The following JUP variants were observed in gnomAD, a reference collection of about 807,000 sequenced individuals.
JUP encodes catenin (cadherin-associated protein), gamma 80kDa.
A neutral mutation model predicts 71.1 loss-of-function variants in JUP; 28 were observed. The ratio of observed to expected loss-of-function variants is 0.39; its 90% confidence interval spans 0.29 to 0.54. JUP has a LOEUF of 0.54. JUP is among the 20% of genes least tolerant of loss of function. The pLI is 0.62. For synonymous variants in JUP, 401 were observed against 438.9 expected, an observed-to-expected ratio of 0.91 and a Z score of 1.08; for missense variants, 869 against 1,030.1, an observed-to-expected ratio of 0.84 and a Z score of 2.14.
chr17:41,763,413 G>T, intron 7 of JUP, 92 bp from the exon 8 acceptor site: 2 of 909,100 alleles, frequency 2.2e-6, no homozygotes, highest in Non-Finnish European at 3.5e-6. Context: ...ATGACCTAAA[G>T]GGGTCAGCCC....
chr17:41,759,271 C>T (rs917821258), intron 8 of JUP, among the ~76,000 whole-genome samples: 1 of 152,066 alleles, frequency 6.6e-6, no homozygotes, highest in Non-Finnish European at 1.5e-5. Context: ...GACGGGGTTT[C>T]GCCATGTTGG....
intron 13 of JUP, 72 bp from the exon 14 acceptor site, chr17:41,755,967 C>T (rs761413148): frequency 1.3e-6 from 2 of 1,547,318 alleles, no homozygotes; most frequent in South Asian, 1.2e-5. Flanking sequence ...GCACAGCCTT[C>T]AGCTGCCTCC....
rs1555599665 is a variant in JUP at position 41,758,702 on chromosome 17, C to T, written c.1653+13G>A. 1.3e-6 allele frequency: 2 copies of T among 1,598,626 alleles called. No homozygotes were observed. The highest frequency in any genetic ancestry group is 1.7e-6 in the Non-Finnish European group (2 of 1,173,064). On this transcript the variant is annotated intron_variant, in intron 9 of 13. Coordinates refer to ENST00000393931, the MANE Select transcript of JUP (RefSeq NM_002230.4). ...CCCAGGAAGGCTGTCAGAGGCACCA[C>T]CAGCTCACATACCGTGTAGGGCTGC...
Position 41,757,696 on chromosome 17 carries a change from A to G in JUP, c.1862T>C (p.Ile621Thr), listed in dbSNP as rs752594411. 6.4e-5 allele frequency: 104 copies of G among 1,613,348 alleles called. No individual in the cohort carries two copies. Among genetic ancestry groups the G allele is most frequent in the East Asian group, 6.2e-4 (28 of 44,852 alleles). ...LAQDKEAADAIDAEGASAPLM... is the reference protein window; with the variant it reads ...LAQDKEAADATDAEGASAPLM... ...TGGGGCCGAGGCCCCCTCTGCATCA[A>G]TGGCGTCGGCCGCCTCCTTGTCCTG... Residue 621 changes from isoleucine to threonine, a missense_variant, in exon 11 of 14, where the codon ATT becomes ACT. Ile to Thr is a moderately conservative substitution (Grantham distance 89). Coordinates refer to ENST00000393931, the MANE Select transcript of JUP (RefSeq NM_002230.4).
intron 1 of JUP, among the ~76,000 whole-genome samples, chr17:41,781,184 CAAAAAAAAAA>C (rs781830763): frequency 0.066 from 4,098 of 61,644 alleles, 84 homozygotes; most frequent in African/African-American, 0.11. Context: ...GACTCCGTCT[CAAAAAAAAAA>C]AAAAAAAAAA....
In JUP at chr17:41,778,272, CTG is replaced by C. The variant is rs553157219; in HGVS notation, c.-8-6412_-8-6411del. Among the ~76,000 whole-genome samples, 16 of 152,282 alleles carry C rather than the reference CTG, an allele frequency of 1.1e-4. No homozygotes were observed. The South Asian group carries it at 3.3e-3, about 32-fold the overall frequency. On this transcript the variant is annotated intron_variant, in intron 1 of 13. Transcript: ENST00000393931. ...ATTGGAATAAAGTTTTGGCTAAAAT[CTG>C]TTACTGTAGGCAGGGTGCAGTGGCT...
chr17:41,760,510 G>A (rs1192921595), intron 8 of JUP, among the ~76,000 whole-genome samples: 2 of 151,368 alleles, frequency 1.3e-5, no homozygotes, highest in East Asian at 2.0e-4. Flanking sequence ...CACACGCCTC[G>A]GCCTCCCAAA....
intron 7 of JUP, 50 bp from the exon 8 acceptor site, chr17:41,763,371 G>T: frequency 7.2e-7 from 1 of 1,390,328 alleles, no homozygotes; most frequent in Non-Finnish European, 1.0e-6. Flanking sequence ...CAACTCCAGG[G>T]AGCCTTCTCG....
At chr17:41,762,165 GAGAGAGAGAGAGTGTGT>G in intron 8 of JUP, among the ~76,000 whole-genome samples, 1 of 74,176 alleles carries the variant, frequency 1.3e-5, no homozygotes, top group Admixed American at 1.3e-4. Flanking sequence ...GAGAGAGAGA[GAGAGAGAGAGAGTGTGT>G]GTGTGTGTGT....
At chr17:41,766,566 A>T (rs919629988) in intron 5 of JUP, among the ~76,000 whole-genome samples, 3 of 151,946 alleles carry the variant, frequency 2.0e-5, no homozygotes, top group Non-Finnish European at 2.9e-5. Flanking sequence ...ATAAAAAATT[A>T]GTTGGGGGTG....
At position 41,769,155 on chromosome 17, in the gene JUP, G is replaced by A. The variant is rs146786437; in HGVS notation, c.521C>T (p.Ala174Val). The A allele has an allele frequency of 2.0e-5, 32 of 1,606,120 alleles. No homozygotes were observed. The highest frequency in any genetic ancestry group is 1.2e-4 in the Admixed American group (7 of 60,008). Residue 174 changes from alanine (A) to valine (V), a missense_variant, in exon 4 of 14, where the codon GCG becomes GTG. Transcript: ENST00000393931. ...MIVNQLSKKE[A>V]SRRALMGSPQ... ...CGAGCCCATCAGGGCCCGCCGCGACGCCTCCTTCTTCGACAGCTGGTTCAC... is the reference window on the plus strand; with the variant it reads ...CGAGCCCATCAGGGCCCGCCGCGACACCTCCTTCTTCGACAGCTGGTTCAC...
In JUP at chr17:41,757,497, T is replaced by A. The variant is rs1555598677; in HGVS notation, c.1964A>T (p.Asp655Val). Reference sequence around the variant, plus strand: ...GCGCTTCCGGTAGTCTGGGTTCTTGTCCTCGGAGATGCGGAACAGGACGGC... The same window carrying A: ...GCGCTTCCGGTAGTCTGGGTTCTTGACCTCGGAGATGCGGAACAGGACGGC... ...AAAVLFRISE[D>V]KNPDYRKRVS... The change falls in exon 12 of 14, where the codon GAC (aspartate) becomes GTC (valine). Residue 655 changes from aspartate to valine, a missense_variant. Coordinates refer to ENST00000393931, the MANE Select transcript of JUP (RefSeq NM_002230.4). 1 of 1,614,162 alleles carries A rather than the reference T, an allele frequency of 6.2e-7. No individual in the cohort carries two copies. Among genetic ancestry groups the A allele is most frequent in the South Asian group, 1.1e-5 (1 of 91,082 alleles).
chr17:41,758,559 G>A (rs190433054), intron 9 of JUP, 41 bp from the exon 10 acceptor site: 1 of 1,596,878 alleles, frequency 6.3e-7, no homozygotes, highest in African/African-American at 1.3e-5. Flanking sequence ...AGGTGCCTTG[G>A]ACATGGCCAC....
chr17:41,781,174 G>A (rs2047141698), intron 1 of JUP, among the ~76,000 whole-genome samples: 1 of 143,920 alleles, frequency 6.9e-6, no homozygotes. Context: ...GAGTGAGTGA[G>A]ACTCCGTCTC....
At chr17:41,771,909 C>T in intron 1 of JUP, 47 bp from the exon 2 acceptor site, 1 of 1,490,318 alleles carries the variant, frequency 6.7e-7, no homozygotes, top group Non-Finnish European at 9.2e-7. Context: ...TCACCTGGCC[C>T]AGCCCCCAGC....
In JUP at chr17:41,769,706, GCA is replaced by G. The variant is rs782125466; in HGVS notation, c.209-31_209-30del. 1.9e-6 allele frequency: 3 copies of G among 1,601,424 alleles called. No individual in the cohort carries two copies. In the African/African-American group the frequency reaches 4.0e-5, roughly 21 times the overall value. On this transcript the variant is annotated intron_variant, in intron 2 of 13. Transcript: ENST00000393931. The stretch of plus-strand genomic sequence containing the variant: ...GGGGCCATGGGGACAGGGACTGAGT[GCA>G]GGCAGTGGGCTGGGCAGACACTGGG...
At chr17:41,774,143 C>T (rs931782349) in intron 1 of JUP, among the ~76,000 whole-genome samples, 2 of 151,858 alleles carry the variant, frequency 1.3e-5, no homozygotes, top group Admixed American at 6.6e-5. Flanking sequence ...GCAGGCCCCT[C>T]ACCACCCCCA....
At chr17:41,761,677 C>T (rs12952615) in intron 8 of JUP, among the ~76,000 whole-genome samples, 36 of 150,242 alleles carry the variant, frequency 2.4e-4, no homozygotes, top group Non-Finnish European at 1.5e-5. Context: ...CGCTTGAACC[C>T]GGGAGGCGGA....
intron 8 of JUP, among the ~76,000 whole-genome samples, chr17:41,761,793 G>C (rs1020941611): frequency 2.0e-5 from 3 of 151,298 alleles, no homozygotes; most frequent in South Asian, 4.2e-4. Flanking sequence ...AATTGTCCGG[G>C]CCTGGTGTCT....
Sources: allele counts gnomAD v4.1 joint callset (sites outside exome capture counted in the v4.1 genomes callset), GRCh38; gene constraint gnomAD v4.1.1; transcripts MANE v1.5; gene names NCBI Gene and HGNC (gene_info 2026-07-23, HGNC 2026-07-21).